Variants in EIF4G3 observed in about 807,000 individuals in gnomAD.
The protein encoded by EIF4G3 is eukaryotic translation initiation factor 4 gamma 3.
Under a neutral mutation model 186.4 loss-of-function variants are expected in EIF4G3, and 34 were observed. The ratio of observed to expected loss-of-function variants is 0.18; its 90% CI spans 0.14 to 0.24. The LOEUF is 0.24. EIF4G3 is among the 10% of genes least tolerant of loss of function. The pLI, the probability that EIF4G3 is intolerant of heterozygous loss-of-function variation, is 1.00. For synonymous variants in EIF4G3, 673 were observed against 679.5 expected (o/e 0.99, Z 0.15); for missense variants, 1,536 against 1,948.5 (o/e 0.79, Z 3.99).
At chr1:21,118,892 C>T (rs1418310916) in intron 2 of EIF4G3, among the ~76,000 whole-genome samples, 1 of 126,590 alleles carries the variant, frequency 7.9e-6, no homozygotes, top group Non-Finnish European at 1.6e-5. Context: ...ATAGCCACTA[C>T]ACTCCAGCCT....
Position 20,967,711 on chromosome 1 carries a change from C to T in EIF4G3, c.714+1763G>A, listed in dbSNP as rs897197455. Among the ~76,000 whole-genome samples, 7 of 152,204 alleles carry T rather than the reference C, an allele frequency of 4.6e-5. No individual in the cohort carries two copies. In the South Asian group the frequency reaches 6.2e-4, roughly 14 times the overall value. Reference sequence around the variant, plus strand: ...ACAGATTTCCAAGGGGCTCTAAACTCAGCCAGCTGTTTGTGATTTTGATAT... The same window carrying T: ...ACAGATTTCCAAGGGGCTCTAAACTTAGCCAGCTGTTTGTGATTTTGATAT... On this transcript the variant is annotated intron_variant, in intron 12 of 36. Coordinates refer to ENST00000602326, the MANE Select transcript of EIF4G3 (RefSeq NM_001391906.1).
intron 14 of EIF4G3, among the ~76,000 whole-genome samples, chr1:20,936,966 A>G (rs1177428424): frequency 2.6e-5 from 4 of 152,242 alleles, no homozygotes; most frequent in Non-Finnish European, 5.9e-5. Flanking sequence ...TTACGAGAAT[A>G]TAAGGTAAAC....
At chr1:20,968,143 G>A (rs956051032) in intron 12 of EIF4G3, among the ~76,000 whole-genome samples, 1 of 151,538 alleles carries the variant, frequency 6.6e-6, no homozygotes. Context: ...TTATCAAAAT[G>A]CAAAGTGACA....
At chr1:21,039,363 T>C (rs901264122) in intron 4 of EIF4G3, among the ~76,000 whole-genome samples, 1 of 152,178 alleles carries the variant, frequency 6.6e-6, no homozygotes, top group Non-Finnish European at 1.5e-5. Context: ...GAATCATAGA[T>C]CTAAATGTAA....
rs539980179 is a variant in EIF4G3, at chr1:20,879,702, CT to C, written c.2425-183del. ...TTAACAAATAGTCAAAAATTACCTTCTTTTCACTACTGAGGAGAATTCTAGA... is the reference window on the plus strand; with the variant it reads ...TTAACAAATAGTCAAAAATTACCTTCTTTCACTACTGAGGAGAATTCTAGA... On this transcript the variant is annotated intron_variant, in intron 19 of 36. Transcript: ENST00000602326. 1.4e-4 allele frequency among the ~76,000 whole-genome samples: 21 copies of C among 152,278 alleles called. No homozygotes were observed. In the East Asian group the frequency reaches 3.1e-3, roughly 22 times the overall value.
chr1:20,978,607 C>A (rs2077323713), intron 10 of EIF4G3, among the ~76,000 whole-genome samples: 1 of 151,144 alleles, frequency 6.6e-6, no homozygotes, highest in Non-Finnish European at 1.5e-5. Context: ...GTGAATCATC[C>A]CTTTATCCAG....
chr1:21,013,507 G>A (rs537220713), intron 4 of EIF4G3, among the ~76,000 whole-genome samples: 60 of 152,278 alleles, frequency 3.9e-4, no homozygotes, highest in African/African-American at 1.4e-3. Context: ...GTCTGGGGGT[G>A]CTGCTCATGG....
chr1:21,049,401 C>T (rs1454627790), intron 4 of EIF4G3, among the ~76,000 whole-genome samples: 1 of 152,148 alleles, frequency 6.6e-6, no homozygotes, highest in Admixed American at 6.6e-5. Context: ...CAGATTAATA[C>T]ACCTTAATAG....
intron 14 of EIF4G3, among the ~76,000 whole-genome samples, chr1:20,920,845 A>G (rs558579726): frequency 6.6e-6 from 1 of 152,284 alleles, no homozygotes; most frequent in South Asian, 2.1e-4. Context: ...GCAGTGGCCC[A>G]GGTTTCCTGA....
At chr1:20,809,718 G>A (rs935374682) in intron 36 of EIF4G3, among the ~76,000 whole-genome samples, 2 of 152,158 alleles carry the variant, frequency 1.3e-5, no homozygotes, top group Admixed American at 6.5e-5. Flanking sequence ...CCCTAGACCT[G>A]TGTTGTCCAA....
At chr1:21,034,683 G>A (rs6426658) in intron 4 of EIF4G3, among the ~76,000 whole-genome samples, 51,943 of 152,206 alleles carry the variant, frequency 0.34, 9,529 homozygotes, top group Non-Finnish European at 0.41. Context: ...GAGGTGGGGT[G>A]CGGCCGCAGG....
chr1:20,934,420 G>A (rs1294189444), intron 14 of EIF4G3, among the ~76,000 whole-genome samples: 2 of 152,070 alleles, frequency 1.3e-5, no homozygotes, highest in Non-Finnish European at 2.9e-5. Context: ...TAGAGAGGCA[G>A]TGAATACATA....
intron 12 of EIF4G3, among the ~76,000 whole-genome samples, chr1:20,961,499 G>T (rs1237074267): frequency 1.3e-5 from 2 of 152,074 alleles, no homozygotes; most frequent in Admixed American, 1.3e-4. Context: ...TTTTCTTTAT[G>T]CTAGGAGCAT....
intron 2 of EIF4G3, among the ~76,000 whole-genome samples, chr1:21,090,033 C>A (rs2096131532): frequency 6.6e-6 from 1 of 152,172 alleles, no homozygotes. Flanking sequence ...GTGTAACATG[C>A]ACATACAATA....
At chr1:20,811,693 T>C (rs1171077263) in intron 35 of EIF4G3, among the ~76,000 whole-genome samples, 1 of 152,092 alleles carries the variant, frequency 6.6e-6, no homozygotes, top group Non-Finnish European at 1.5e-5. Context: ...TAAAAAAAGG[T>C]AAGTGAGGTG....
chr1:21,172,118 CAAAA>C (rs35477282), intron 2 of EIF4G3, among the ~76,000 whole-genome samples: 40 of 105,514 alleles, frequency 3.8e-4, no homozygotes, highest in Non-Finnish European at 5.7e-4. Context: ...CCTCCTCTAG[CAAAA>C]AAAAAAAAAA....
chr1:20,927,890 C>A (rs1383961267), intron 14 of EIF4G3, among the ~76,000 whole-genome samples: 1 of 152,128 alleles, frequency 6.6e-6, no homozygotes, highest in African/African-American at 2.4e-5. Context: ...CAGGGTCTTA[C>A]TCTGTCACCC....
chr1:21,077,726 C>T (rs1328733272), intron 3 of EIF4G3, among the ~76,000 whole-genome samples: 1 of 151,388 alleles, frequency 6.6e-6, no homozygotes, highest in African/African-American at 2.4e-5. Flanking sequence ...ACGAAAAATA[C>T]AAAATTAGCC....
intron 7 of EIF4G3, among the ~76,000 whole-genome samples, chr1:20,989,042 AGAGAGGAGAGGAGAGGAGGG>A (rs2080259979): frequency 2.6e-5 from 1 of 37,896 alleles, no homozygotes; most frequent in African/African-American, 1.1e-4. Flanking sequence ...TCCCCCAAAA[AGAGAGGAGAGGAGAGGAGGG>A]GAGGGGAGGG....
Sources: allele counts gnomAD v4.1 joint callset (sites outside exome capture counted in the v4.1 genomes callset), GRCh38; gene constraint gnomAD v4.1.1; transcripts MANE v1.5; gene names NCBI Gene and HGNC (gene_info 2026-07-23, HGNC 2026-07-21).